RRP36: variants seen among roughly 807,000 people sequenced by gnomAD.
RRP36 encodes ribosomal RNA processing 36.
Under a neutral mutation model 39.8 loss-of-function variants are expected in RRP36, and 44 were observed. The observed-to-expected ratio is 1.10, with a 90% confidence interval of 0.87 to 1.42. RRP36 has a LOEUF of 1.42. Among genes scored for constraint, RRP36 ranks in the 40% most tolerant of loss-of-function variants. The pLI is 0.00. For missense variants in RRP36, 316 were observed against 322.4 expected (o/e 0.98, Z 0.15); for synonymous variants, 124 against 123.1 (o/e 1.01, Z -0.05).
intron 6 of RRP36, among the ~76,000 whole-genome samples, chr6:43,028,743 G>C (rs1762861519): frequency 6.6e-6 from 1 of 151,920 alleles, no homozygotes; most frequent in Non-Finnish European, 1.5e-5. Flanking sequence ...CTGAGGTCAG[G>C]AGTTCGAGAC....
At position 43,026,148 on chromosome 6, in the gene RRP36, A is replaced by T; in HGVS notation, c.450+7A>T. On this transcript the variant is annotated splice_region_variant and intron_variant, in intron 4 of 6. Coordinates refer to ENST00000244496, the MANE Select transcript of RRP36 (RefSeq NM_033112.4). Reference sequence around the variant, plus strand: ...CCGAGCGAAAGAGAAAGAGGTATACAGCTTGAGACTGGTTTATGGGGAATT... The same window carrying T: ...CCGAGCGAAAGAGAAAGAGGTATACTGCTTGAGACTGGTTTATGGGGAATT... 6.2e-7 allele frequency: 1 copy of T among 1,601,898 alleles called. No individual in the cohort carries two copies.
Position 43,021,675 on chromosome 6 carries a change from C to CGCCGGGGCCGGG in RRP36, c.37_48dup (p.Gly13_Ala16dup), listed in dbSNP as rs200886831. On this transcript the variant is annotated inframe_insertion, in exon 1 of 7. Coordinates refer to ENST00000244496, the MANE Select transcript of RRP36 (RefSeq NM_033112.4). ...AGCTGATGCCGGGAGCTAACTACCG[C>CGCCGGGGCCGGG]GCCGGGGCCGGGGCCGGGGCCGGGG... is the stretch of plus-strand genomic sequence containing the variant. The CGCCGGGGCCGGG allele has an allele frequency of 1.3e-5, 16 of 1,252,750 alleles. No individual in the cohort carries two copies. Among genetic ancestry groups the CGCCGGGGCCGGG allele is most frequent in the Middle Eastern group, 3.1e-4 (1 of 3,224 alleles). The allele number at this position is 1,252,750 out of a possible 1,614,324, so 77.6% of individuals were successfully genotyped here.
Position 43,026,200 on chromosome 6 carries a change from G to T in RRP36, c.450+59G>T, listed in dbSNP as rs555026874. 98 of 1,229,972 alleles carry T rather than the reference G, an allele frequency of 8.0e-5. No homozygotes were observed. The African/African-American group carries it at 1.4e-3, about 18-fold the overall frequency. The allele number at this position is 1,229,972 out of a possible 1,614,324, so 76.2% of individuals were successfully genotyped here. On this transcript the variant is annotated intron_variant, in intron 4 of 6. Coordinates refer to ENST00000244496, the MANE Select transcript of RRP36 (RefSeq NM_033112.4). ...TGTGGGGTGGAAAATGAGGGCACAGGTTAGAGAGTTGGGCAGGGGGAGTGG... is the reference window on the plus strand; with the variant it reads ...TGTGGGGTGGAAAATGAGGGCACAGTTTAGAGAGTTGGGCAGGGGGAGTGG...
intron 6 of RRP36, 73 bp downstream of exon 6, chr6:43,027,550 T>C (rs1355535955): frequency 8.1e-7 from 1 of 1,239,966 alleles, no homozygotes; most frequent in Non-Finnish European, 1.2e-6. Context: ...TGTGTTGGGG[T>C]GTCCCTGATC....
intron 1 of RRP36, among the ~76,000 whole-genome samples, chr6:43,022,632 CTTT>C (rs34268212): frequency 2.8e-5 from 3 of 107,082 alleles, no homozygotes; most frequent in Non-Finnish European, 1.8e-5. Context: ...AAGGTCTCAC[CTTT>C]TTTTTTTTTT....
chr6:43,021,769 C>G lies in RRP36; in HGVS notation c.115C>G (p.Arg39Gly). Reference sequence around the variant, plus strand: ...GGGCCTGGAGCCCGCGGCCGTGGCCCGCGACCTATTGAGGGGTGAGGGCAT... The same window carrying G: ...GGGCCTGGAGCCCGCGGCCGTGGCCGGCGACCTATTGAGGGGTGAGGGCAT... ...GGGLEPAAVA[R>G]DLLRGTSNMS... Residue 39 changes from arginine (R) to glycine (G), a missense_variant, in exon 1 of 7, where the codon CGC (arginine) becomes GGC (glycine). Transcript: ENST00000244496. 2 of 1,157,124 alleles carry G rather than the reference C, an allele frequency of 1.7e-6. No homozygotes were observed. The highest frequency in any genetic ancestry group is 1.1e-6 in the Non-Finnish European group (1 of 939,768). 71.7% of individuals were successfully genotyped at this position (1,157,124 alleles called of 1,614,324 possible). A position where few individuals can be genotyped will look rare whatever the true frequency, so the allele number is the denominator to read the frequency against.
At chr6:43,023,858 ATT>A (rs566772892) in intron 1 of RRP36, among the ~76,000 whole-genome samples, 1 of 141,574 alleles carries the variant, frequency 7.1e-6, no homozygotes, top group Non-Finnish European at 1.5e-5. Flanking sequence ...GAGAGGTTGC[ATT>A]TTTTTTTTTT....
chr6:43,021,800 AGGGC>A lies in RRP36; in HGVS notation c.130+21_130+24del. The A allele has an allele frequency of 7.7e-6, 2 of 261,094 alleles. No homozygotes were observed. The highest frequency in any genetic ancestry group is 1.2e-5 in the Non-Finnish European group (2 of 162,436). The allele number at this position is 261,094 out of a possible 1,614,324, so 16.2% of individuals were successfully genotyped here. On this transcript the variant is annotated intron_variant, in intron 1 of 6. Coordinates refer to ENST00000244496, the MANE Select transcript of RRP36 (RefSeq NM_033112.4). ...CTATTGAGGGGTGAGGGCATGGGGC[AGGGC>A]GGGCTGGGGAGGGGAAGGAGATTCC... is the stretch of plus-strand genomic sequence containing the variant.
chr6:43,027,381 C>G lies in RRP36; in HGVS notation c.547C>G (p.Gln183Glu), dbSNP rs1366376083. 8.7e-6 allele frequency: 14 copies of G among 1,614,102 alleles called. No individual in the cohort carries two copies. Among genetic ancestry groups the G allele is most frequent in the Middle Eastern group, 1.6e-4 (1 of 6,084 alleles). ...QRMEQQEMAQ[Q>E]ERKQQQELHL... ...TCAGGAGCAGCAAGAAATGGCACAG[C>G]AGGAACGAAAGCAACAGCAGGAGCT... The change falls in exon 6 of 7, where the codon CAG becomes GAG. Residue 183 changes from glutamine to glutamate, a missense_variant. Coordinates refer to ENST00000244496, the MANE Select transcript of RRP36 (RefSeq NM_033112.4).
At chr6:43,024,420 G>A (rs1256325234) in intron 1 of RRP36, among the ~76,000 whole-genome samples, 1 of 152,184 alleles carries the variant, frequency 6.6e-6, no homozygotes, top group African/African-American at 2.4e-5. Context: ...AAGGTACATG[G>A]CTTTTACTGT....
rs534257314 is a variant in RRP36, at chr6:43,029,480, T to C, written c.*252T>C. The C allele has an allele frequency of 1.4e-4, 52 of 378,114 alleles. No homozygotes were observed. Among genetic ancestry groups the C allele is most frequent in the African/African-American group, 1.0e-3 (51 of 48,916 alleles). The allele number at this position is 378,114 out of a possible 1,614,324, so 23.4% of individuals were successfully genotyped here. On this transcript the variant is annotated 3_prime_UTR_variant, in exon 7 of 7. Transcript: ENST00000244496. Reference sequence around the variant, plus strand: ...CTCGTGTTCTTCTCTCATCCTTGCCTTAAACCAGGGATTCTGATACCGAAG... The same window carrying C: ...CTCGTGTTCTTCTCTCATCCTTGCCCTAAACCAGGGATTCTGATACCGAAG...
chr6:43,029,135 G>A lies in RRP36; in HGVS notation c.687G>A (p.Leu229=). The change falls in exon 7 of 7, where the codon CTG becomes CTA. Residue 229 remains leucine (L), a synonymous_variant. Coordinates refer to ENST00000244496, the MANE Select transcript of RRP36 (RefSeq NM_033112.4). ...CACTAGCTGAGAAGTTCAAGGAGCT[G>A]AAACGCAGCAAGAAATTGGAGAACT... The part of the protein sequence containing the change: ...QLALAEKFKE[L]KRSKKLENFL... 6.2e-7 allele frequency: 1 copy of A among 1,614,238 alleles called. No individual in the cohort carries two copies. Among genetic ancestry groups the A allele is most frequent in the Non-Finnish European group, 8.5e-7 (1 of 1,180,042 alleles).
At chr6:43,026,231 A>G in intron 4 of RRP36, 90 bp downstream of exon 4, 2 of 824,104 alleles carry the variant, frequency 2.4e-6, no homozygotes, top group South Asian at 1.5e-5. Flanking sequence ...AGTGGGAAGT[A>G]TAGTGGTGGG....
intron 3 of RRP36, among the ~76,000 whole-genome samples, chr6:43,025,699 A>G (rs1762800702): frequency 6.6e-6 from 1 of 151,682 alleles, no homozygotes. Context: ...TGGAAGGCCA[A>G]GGTGGGCGAA....
At chr6:43,026,770 C>T (rs375162932) in intron 4 of RRP36, among the ~76,000 whole-genome samples, 2 of 151,702 alleles carry the variant, frequency 1.3e-5, no homozygotes, top group South Asian at 2.1e-4. Flanking sequence ...TTTGGGAGGC[C>T]GAGGCAGGTG....
intron 4 of RRP36, 58 bp from the exon 5 acceptor site, chr6:43,027,120 A>G (rs914689990): frequency 2.0e-6 from 3 of 1,501,692 alleles, no homozygotes; most frequent in Non-Finnish European, 2.8e-6. Flanking sequence ...TGCTTTACAT[A>G]AAATTTCAGC....
chr6:43,025,324 A>T lies in RRP36; in HGVS notation c.340A>T (p.Lys114Ter). 1 of 1,613,432 alleles carries T rather than the reference A, an allele frequency of 6.2e-7. No homozygotes were observed. The change falls in exon 3 of 7, where the codon AAA (lysine) becomes TAA (stop). Residue 114 changes from lysine (K) to a stop codon, truncating the protein, a stop_gained. Coordinates refer to ENST00000244496, the MANE Select transcript of RRP36 (RefSeq NM_033112.4). LOFTEE classifies it high-confidence loss of function. ...TTTACGTCAGGTTGTTCCCATTAGT[A>T]AAAAGGTAAGGAAGAAGGCCAGGCA... is the stretch of plus-strand genomic sequence containing the variant. ...PFLRQVVPIS[K>*]KVARDPRFDD...
rs531401888 is a variant in RRP36, at chr6:43,028,660, T to C, written c.644-432T>C. ...GAGACTCCATCTCAAAAAAAAAAAG[T>C]CACCCGTTGGCCAGGCGCAGTGGCT... On this transcript the variant is annotated intron_variant, in intron 6 of 6. Coordinates refer to ENST00000244496, the MANE Select transcript of RRP36 (RefSeq NM_033112.4). Among the ~76,000 whole-genome samples the C allele has an allele frequency of 2.2e-5, 3 of 137,830 alleles. No homozygotes were observed. In the East Asian group the frequency reaches 6.5e-4, roughly 30 times the overall value. 90.4% of individuals were successfully genotyped at this position (137,830 alleles called of 152,430 possible).
At chr6:43,023,623 C>G (rs539387941) in intron 1 of RRP36, among the ~76,000 whole-genome samples, 1 of 149,770 alleles carries the variant, frequency 6.7e-6, no homozygotes, top group African/African-American at 2.5e-5. Flanking sequence ...ACCTGGGAGG[C>G]GGAGGTTGCA....
Sources: allele counts gnomAD v4.1 joint callset (sites outside exome capture counted in the v4.1 genomes callset), GRCh38; gene constraint gnomAD v4.1.1; transcripts MANE v1.5; gene names NCBI Gene and HGNC (gene_info 2026-07-23, HGNC 2026-07-21).